SYCP1: variants seen among roughly 807,000 people sequenced by gnomAD.
SYCP1 encodes the protein synaptonemal complex protein 1.
SYCP1 carries 64 observed loss-of-function variants against 153.1 expected under a neutral mutation model. That is an observed-to-expected ratio of 0.42 (90% CI 0.34 to 0.51). The LOEUF (loss-of-function observed/expected upper bound fraction) is 0.51, where lower values mean the gene tolerates loss of function less well. SYCP1 is among the 20% of genes least tolerant of loss of function. The probability of loss-of-function intolerance (pLI) is 0.06; values close to 1 mark genes in which losing one functional copy is unlikely to be tolerated. For missense variants in SYCP1, 997 were observed against 1,049.0 expected (o/e 0.95, Z 0.68); for synonymous variants, 384 against 341.8 (o/e 1.12, Z -1.36).
chr1:114,983,752 G>A (rs1673319919), intron 29 of SYCP1, among the ~76,000 whole-genome samples: 1 of 151,780 alleles, frequency 6.6e-6, no homozygotes, highest in Non-Finnish European at 1.5e-5. Flanking sequence ...CACTCTCCAG[G>A]TGGCTGCAAG....
chr1:114,987,947 A>T (rs1437658008), intron 30 of SYCP1, among the ~76,000 whole-genome samples: 1 of 151,650 alleles, frequency 6.6e-6, no homozygotes, highest in Non-Finnish European at 1.5e-5. Flanking sequence ...CCAGAAAAAA[A>T]CTCTGGAACT....
At chr1:114,947,184 A>G (rs1670763853) in intron 26 of SYCP1, 62 bp from the exon 27 acceptor site, 1 of 1,239,672 alleles carries the variant, frequency 8.1e-7, no homozygotes, top group South Asian at 1.3e-5. Flanking sequence ...ACTAGTTTAT[A>G]TTTTCATTGT....
intron 16 of SYCP1, among the ~76,000 whole-genome samples, chr1:114,908,381 A>G (rs1667956290): frequency 6.6e-6 from 1 of 152,168 alleles, no homozygotes; most frequent in Non-Finnish European, 1.5e-5. Flanking sequence ...ACTGCACTTC[A>G]TAAATCTGTA....
intron 12 of SYCP1, among the ~76,000 whole-genome samples, chr1:114,881,915 T>C (rs1307019884): frequency 6.6e-6 from 1 of 152,226 alleles, no homozygotes; most frequent in African/African-American, 2.4e-5. Context: ...CTCATACGCT[T>C]AGTTTTGTTT....
At chr1:114,971,582 G>A (rs555898637) in intron 27 of SYCP1, among the ~76,000 whole-genome samples, 1 of 152,096 alleles carries the variant, frequency 6.6e-6, no homozygotes, top group East Asian at 1.9e-4. Context: ...TGTCATATAC[G>A]GCTTTTATTA....
At chr1:114,981,946 G>T (rs917587426) in intron 29 of SYCP1, among the ~76,000 whole-genome samples, 2 of 151,996 alleles carry the variant, frequency 1.3e-5, no homozygotes, top group Admixed American at 1.3e-4. Context: ...TCCCTTTGCT[G>T]TTTACCCCAA....
chr1:114,913,913 G>A (rs1668343544), intron 19 of SYCP1, 62 bp from the exon 20 acceptor site: 1 of 1,229,530 alleles, frequency 8.1e-7, no homozygotes, highest in Admixed American at 2.5e-5. Flanking sequence ...GTCTTAAATA[G>A]TAGTTTAAAT....
At chr1:114,898,448 A>G (rs923310919) in intron 16 of SYCP1, among the ~76,000 whole-genome samples, 2 of 152,132 alleles carry the variant, frequency 1.3e-5, no homozygotes, top group Admixed American at 1.3e-4. Flanking sequence ...TTGCAAGATA[A>G]TTGCTCAGAA....
intron 8 of SYCP1, among the ~76,000 whole-genome samples, chr1:114,861,799 C>CG (rs1344146099): frequency 7.7e-6 from 1 of 129,908 alleles, no homozygotes; most frequent in Non-Finnish European, 1.7e-5. Flanking sequence ...TTTTTTTATT[C>CG]TTTTTTTTTT....
chr1:114,860,096 T>C (rs1664273188), intron 7 of SYCP1, among the ~76,000 whole-genome samples: 1 of 152,202 alleles, frequency 6.6e-6, no homozygotes, highest in Admixed American at 6.5e-5. Flanking sequence ...CAACTACCTA[T>C]GTATGTTGTC....
Position 114,981,954 on chromosome 1 carries a change from C to T in SYCP1, c.2559+442C>T, listed in dbSNP as rs116096870. ...TACTACTTCCCTTTGCTGTTTACCC[C>T]AATCATCTTGCATCTGTAGTCCTTG... On this transcript the variant is annotated intron_variant, in intron 29 of 31. Transcript: ENST00000369522. Among the ~76,000 whole-genome samples the T allele has an allele frequency of 5.5e-3, 835 of 152,134 alleles. 11 individuals carry two copies. The highest frequency in any genetic ancestry group is 0.019 in the African/African-American group (783 of 41,532).
chr1:114,962,012 T>A (rs533867521), intron 27 of SYCP1, among the ~76,000 whole-genome samples: 1 of 147,356 alleles, frequency 6.8e-6, no homozygotes, highest in African/African-American at 2.5e-5. Flanking sequence ...GAGTCTTACC[T>A]TTTTGCCCAG....
At chr1:114,951,643 A>G (rs775805519) in intron 27 of SYCP1, among the ~76,000 whole-genome samples, 45 of 152,180 alleles carry the variant, frequency 3.0e-4, no homozygotes, top group Non-Finnish European at 5.9e-4. Context: ...TAATGTAGAG[A>G]GATCCCATGT....
intron 27 of SYCP1, among the ~76,000 whole-genome samples, chr1:114,959,903 C>T (rs360686): frequency 0.62 from 94,278 of 151,942 alleles, 29,563 homozygotes; most frequent in African/African-American, 0.67. Flanking sequence ...ACCCATGCTG[C>T]TGCAAATCAC....
intron 27 of SYCP1, among the ~76,000 whole-genome samples, chr1:114,949,260 A>C (rs1438805308): frequency 1.3e-5 from 2 of 152,206 alleles, no homozygotes; most frequent in South Asian, 4.1e-4. Flanking sequence ...TTTTAGTATT[A>C]AAATGATACT....
At chr1:114,935,640 A>G (rs1452433997) in intron 23 of SYCP1, among the ~76,000 whole-genome samples, 1 of 152,212 alleles carries the variant, frequency 6.6e-6, no homozygotes, top group East Asian at 1.9e-4. Context: ...AGATCAACAA[A>G]ATTGACAGAC....
At chr1:114,988,080 C>G (rs1399714714) in intron 30 of SYCP1, among the ~76,000 whole-genome samples, 1 of 114,644 alleles carries the variant, frequency 8.7e-6, no homozygotes, top group Non-Finnish European at 1.7e-5. Context: ...TGATAAACGG[C>G]AAAAAAAAAA....
chr1:114,991,680 A>T (rs1235681680), intron 30 of SYCP1, among the ~76,000 whole-genome samples: 1 of 151,840 alleles, frequency 6.6e-6, no homozygotes, highest in Non-Finnish European at 1.5e-5. Flanking sequence ...TATTTATGGA[A>T]ACCCCTAGCT....
At chr1:114,935,989 A>C (rs1341584198) in intron 23 of SYCP1, among the ~76,000 whole-genome samples, 1 of 152,204 alleles carries the variant, frequency 6.6e-6, no homozygotes, top group Non-Finnish European at 1.5e-5. Flanking sequence ...AGAAGCTGGT[A>C]CCATTCCTTC....
Sources: allele counts gnomAD v4.1 joint callset (sites outside exome capture counted in the v4.1 genomes callset), GRCh38; gene constraint gnomAD v4.1.1; transcripts MANE v1.5; gene names NCBI Gene and HGNC (gene_info 2026-07-23, HGNC 2026-07-21).